WDR25: variants seen among roughly 807,000 people sequenced by gnomAD.
The protein encoded by WDR25 is WD repeat-containing protein 25.
WDR25 carries 35 observed loss-of-function variants against 47.7 expected under a neutral mutation model. The ratio of observed to expected loss-of-function variants is 0.73; its 90% confidence interval spans 0.56 to 0.97. The LOEUF is 0.97. WDR25 is among the 50% of genes least tolerant of loss of function. The pLI is 0.00. For missense variants in WDR25, 634 were observed against 704.7 expected, an observed-to-expected ratio of 0.90 and a Z score of 1.14; for synonymous variants, 248 against 278.9, an observed-to-expected ratio of 0.89 and a Z score of 1.10.
intron 3 of WDR25, 36 bp from the exon 4 acceptor site, chr14:100,483,958 T>G: frequency 6.3e-7 from 1 of 1,585,524 alleles, no homozygotes; most frequent in Non-Finnish European, 8.6e-7. Context: ...GTGACCTAAG[T>G]ACTTTCTAAC....
chr14:100,443,610 C>A (rs1332476042), intron 2 of WDR25, among the ~76,000 whole-genome samples: 3 of 152,202 alleles, frequency 2.0e-5, no homozygotes, highest in African/African-American at 4.8e-5. Context: ...TCCTTTTCCC[C>A]AAAGCTTTTC....
At position 100,435,665 on chromosome 14, in the gene WDR25, G is replaced by GTTCATTCATTCA. The variant is rs10681858; in HGVS notation, c.823-32343_823-32332dup. Among the ~76,000 whole-genome samples the GTTCATTCATTCA allele has an allele frequency of 4.7e-3, 713 of 152,046 alleles. 4 individuals carry two copies. Among genetic ancestry groups the GTTCATTCATTCA allele is most frequent in the African/African-American group, 0.017 (693 of 41,354 alleles). ...AAGACATTCATTCACTCAATCATTCGTTCATTCATTCATTCATTCATTCAG... is the reference window on the plus strand; with the variant it reads ...AAGACATTCATTCACTCAATCATTCGTTCATTCATTCATTCATTCATTCATTCATTCATTCAG... On this transcript the variant is annotated intron_variant, in intron 2 of 6. Coordinates refer to ENST00000402312, the MANE Select transcript of WDR25 (RefSeq NM_001161476.3).
chr14:100,441,864 G>A lies in WDR25; in HGVS notation c.823-26157G>A, dbSNP rs568651495. 4.5e-4 allele frequency among the ~76,000 whole-genome samples: 69 copies of A among 152,368 alleles called. 1 individual carries two copies. The highest frequency in any genetic ancestry group is 1.7e-3 in the African/African-American group (69 of 41,578). On this transcript the variant is annotated intron_variant, in intron 2 of 6. Coordinates refer to ENST00000402312, the MANE Select transcript of WDR25 (RefSeq NM_001161476.3). ...GCCAGGTATTGAGCACCTACTGCATGCCAAGCGCTGGGCTGAAGGCCTTGC... is the reference window on the plus strand; with the variant it reads ...GCCAGGTATTGAGCACCTACTGCATACCAAGCGCTGGGCTGAAGGCCTTGC...
intron 2 of WDR25, among the ~76,000 whole-genome samples, chr14:100,434,957 ATCCT>A (rs1434687690): frequency 6.6e-6 from 1 of 152,100 alleles, no homozygotes; most frequent in Non-Finnish European, 1.5e-5. Context: ...GGGGTCCCTG[ATCCT>A]TCCTTCTGCT....
intron 2 of WDR25, among the ~76,000 whole-genome samples, chr14:100,399,377 C>T (rs1440752081): frequency 6.6e-6 from 1 of 151,770 alleles, no homozygotes; most frequent in African/African-American, 2.4e-5. Flanking sequence ...ATTCCTTTCC[C>T]TTCCTTCTCT....
In WDR25 at chr14:100,463,266, AT is replaced by A. The variant is rs1899488895; in HGVS notation, c.823-4753del. Among the ~76,000 whole-genome samples, 4 of 152,200 alleles carry A rather than the reference AT, an allele frequency of 2.6e-5. No homozygotes were observed. The South Asian group carries it at 8.3e-4, about 32-fold the overall frequency. ...ATGAAATGTTTTAAACATACTCAAA[AT>A]TATAGAAGGTAACAGATACCTATAC... On this transcript the variant is annotated intron_variant, in intron 2 of 6. Coordinates refer to ENST00000402312, the MANE Select transcript of WDR25 (RefSeq NM_001161476.3).
At chr14:100,437,340 C>T (rs901865822) in intron 2 of WDR25, among the ~76,000 whole-genome samples, 2 of 152,162 alleles carry the variant, frequency 1.3e-5, no homozygotes, top group African/African-American at 4.8e-5. Flanking sequence ...GACCCAGACC[C>T]ATATCTGAGA....
intron 2 of WDR25, among the ~76,000 whole-genome samples, chr14:100,451,974 C>T (rs1414708046): frequency 6.6e-6 from 1 of 152,222 alleles, no homozygotes; most frequent in Non-Finnish European, 1.5e-5. Flanking sequence ...CTTTTGTCCA[C>T]ATGTTTGTCC....
chr14:100,514,867 T>G (rs1440393360), intron 4 of WDR25, among the ~76,000 whole-genome samples: 1 of 152,224 alleles, frequency 6.6e-6, no homozygotes. Context: ...AAGGACTTCC[T>G]TTAACATTTC....
chr14:100,529,972 C>G lies in WDR25; in HGVS notation c.1566C>G (p.Thr522=). The part of the protein sequence containing the change: ...QGHTQACVGT[T]YHPVLPSVLA... ...ACACACAGGCCTGTGTCGGCACCAC[C>G]TATCACCCCGTGCTGCCCTCCGTCC... Residue 522 remains threonine (T), a synonymous_variant, in exon 7 of 7, where the codon ACC becomes ACG. Coordinates refer to ENST00000402312, the MANE Select transcript of WDR25 (RefSeq NM_001161476.3). The surrounding 1 kb of genome is among the most constrained non-coding windows in gnomAD (Gnocchi z 5.1). 3.7e-6 allele frequency: 6 copies of G among 1,613,522 alleles called. No individual in the cohort carries two copies. Among genetic ancestry groups the G allele is most frequent in the Non-Finnish European group, 5.1e-6 (6 of 1,179,988 alleles).
At chr14:100,399,888 A>G (rs1275126399) in intron 2 of WDR25, among the ~76,000 whole-genome samples, 5 of 152,182 alleles carry the variant, frequency 3.3e-5, no homozygotes, top group African/African-American at 1.2e-4. Context: ...ACTTGAATTT[A>G]CTTACATTAA....
chr14:100,444,728 A>T (rs187243234), intron 2 of WDR25, among the ~76,000 whole-genome samples: 1 of 152,280 alleles, frequency 6.6e-6, no homozygotes, highest in East Asian at 1.9e-4. Context: ...GGCTGTGTCT[A>T]GAAGGAGGCA....
At chr14:100,388,656 A>T (rs890289243) in intron 2 of WDR25, among the ~76,000 whole-genome samples, 1 of 152,244 alleles carries the variant, frequency 6.6e-6, no homozygotes, top group Non-Finnish European at 1.5e-5. Context: ...TTCTGAGGCC[A>T]ACAAATGAGA....
chr14:100,527,454 G>A (rs1225471368), intron 5 of WDR25, among the ~76,000 whole-genome samples: 3 of 152,162 alleles, frequency 2.0e-5, no homozygotes, highest in South Asian at 2.1e-4. Flanking sequence ...ATATATGTGG[G>A]TGTACATGAA....
intron 2 of WDR25, among the ~76,000 whole-genome samples, chr14:100,465,470 T>C (rs1899598947): frequency 6.6e-6 from 1 of 152,248 alleles, no homozygotes; most frequent in African/African-American, 2.4e-5. Flanking sequence ...TTTGTCCTTA[T>C]GTGTCTGGCT....
At chr14:100,386,189 T>C (rs866084186) in intron 2 of WDR25, among the ~76,000 whole-genome samples, 19 of 152,234 alleles carry the variant, frequency 1.2e-4, no homozygotes, top group African/African-American at 4.6e-4. Flanking sequence ...ATGTAATAGA[T>C]GCTTATTGTG....
chr14:100,529,793 G>T lies in WDR25; in HGVS notation c.1414-27G>T. 1 of 1,603,502 alleles carries T rather than the reference G, an allele frequency of 6.2e-7. No homozygotes were observed. On this transcript the variant is annotated intron_variant, in intron 6 of 6. Coordinates refer to ENST00000402312, the MANE Select transcript of WDR25 (RefSeq NM_001161476.3). The surrounding 1 kb of genome is among the most constrained non-coding windows in gnomAD (Gnocchi z 5.1). Reference sequence around the variant, plus strand: ...CACCCCGGCTTGACAGGTGCGGCTTGCTCACCCACTGTGTCCCTCTCTGCA... The same window carrying T: ...CACCCCGGCTTGACAGGTGCGGCTTTCTCACCCACTGTGTCCCTCTCTGCA...
intron 2 of WDR25, among the ~76,000 whole-genome samples, chr14:100,429,072 G>A (rs1898252716): frequency 6.6e-6 from 1 of 152,176 alleles, no homozygotes; most frequent in Non-Finnish European, 1.5e-5. Context: ...TAACATTTTA[G>A]AACATTTTCT....
intron 2 of WDR25, among the ~76,000 whole-genome samples, chr14:100,396,462 C>T (rs1179341506): frequency 6.6e-6 from 1 of 152,226 alleles, no homozygotes; most frequent in Non-Finnish European, 1.5e-5. Context: ...AGAAGGAAGC[C>T]TGTCAATCAA....
Sources: gnomAD v4.1 joint callset for allele counts (sites outside exome capture counted in the v4.1 genomes callset) on GRCh38, gnomAD v4.1.1 for gene constraint, Gnocchi (gnomAD v3.1) non-coding constraint, MANE v1.5 for transcripts, NCBI Gene and HGNC (gene_info 2026-07-23, HGNC 2026-07-21) for gene names.